Variants in TET3 observed in about 807,000 individuals in gnomAD.
TET3 encodes the protein methylcytosine dioxygenase TET3.
TET3 carries 19 observed loss-of-function variants against 141.4 expected under a neutral mutation model. The observed-to-expected ratio is 0.13, with a 90% CI of 0.09 to 0.20. TET3 has a LOEUF of 0.20. TET3 is among the 10% of genes least tolerant of loss of function. The pLI is 1.00. For synonymous variants in TET3, 1,043 were observed against 980.9 expected, an observed-to-expected ratio of 1.06 and a Z score of -1.18; for missense variants, 1,874 against 2,356.9, an observed-to-expected ratio of 0.80 and a Z score of 4.24.
At chr2:74,127,224 G>A in the TET3 span, among the ~76,000 whole-genome samples, 1 of 152,206 alleles carries the variant, frequency 6.6e-6, no homozygotes, top group East Asian at 1.9e-4. Flanking sequence ...CTGTTTCAAG[G>A]TTCCAGCAAT....
At chr2:74,029,985 A>T (rs749812684) in intron 3 of TET3, among the ~76,000 whole-genome samples, 1 of 152,256 alleles carries the variant, frequency 6.6e-6, no homozygotes, top group Non-Finnish European at 1.5e-5. Flanking sequence ...ATAGTGGTAC[A>T]GTATCAGTTC....
At chr2:74,065,555 GTT>G (rs67114907) in intron 4 of TET3, among the ~76,000 whole-genome samples, 8 of 125,620 alleles carry the variant, frequency 6.4e-5, no homozygotes, top group African/African-American at 1.4e-4. Flanking sequence ...TCTTTTTTTT[GTT>G]TTTTTTTTTT....
intron 4 of TET3, among the ~76,000 whole-genome samples, chr2:74,064,309 GT>G (rs1688759864): frequency 1.3e-5 from 2 of 152,134 alleles, no homozygotes; most frequent in African/African-American, 4.8e-5. Flanking sequence ...ATTAAATACT[GT>G]TTAAATTGTC....
At chr2:74,016,871 A>G (rs944275561) in intron 3 of TET3, among the ~76,000 whole-genome samples, 1 of 150,326 alleles carries the variant, frequency 6.7e-6, no homozygotes, top group African/African-American at 2.5e-5. Flanking sequence ...GTTTCAATGC[A>G]TGTATATAAT....
At chr2:74,126,769 C>T in the TET3 span, among the ~76,000 whole-genome samples, 1 of 152,222 alleles carries the variant, frequency 6.6e-6, no homozygotes, top group Middle Eastern at 3.4e-3. Flanking sequence ...TCCCAAAGTG[C>T]TGGGATTACA....
Position 74,105,481 on chromosome 2 carries a change from G to A in TET3, c.*3305G>A, listed in dbSNP as rs1336180393. 7.5e-6 allele frequency: 3 copies of A among 397,992 alleles called. No homozygotes were observed. Among genetic ancestry groups the A allele is most frequent in the South Asian group, 1.4e-4 (1 of 7,190 alleles). 24.7% of individuals were successfully genotyped at this position (397,992 alleles called of 1,614,324 possible). A position where few individuals can be genotyped will look rare whatever the true frequency, so the allele number is the denominator to read the frequency against. On this transcript the variant is annotated 3_prime_UTR_variant, in exon 12 of 12. Transcript: ENST00000409262. ...ATCAGAAATCTTGACTAAAGGTGTTGCATGGATTTGGGGGTCTTTCGGTTT... is the reference window on the plus strand; with the variant it reads ...ATCAGAAATCTTGACTAAAGGTGTTACATGGATTTGGGGGTCTTTCGGTTT...
chr2:74,047,866 C>T lies in TET3; in HGVS notation c.1949C>T (p.Ala650Val). ...GCTCATCCACCGGCCCCTCTGCCTG[C>T]CTCACAGGGCTCTGCTGTGCCCCTG... is the stretch of plus-strand genomic sequence containing the variant. ...VQAHPPAPLP[A>V]SQGSAVPLPP... is the part of the protein sequence containing the mutation. Residue 650 changes from alanine to valine, a missense_variant, in exon 4 of 12, where the codon GCC (alanine) becomes GTC (valine). Coordinates refer to ENST00000409262, the MANE Select transcript of TET3 (RefSeq NM_001287491.2). 6.2e-7 allele frequency: 1 copy of T among 1,612,854 alleles called. No homozygotes were observed. The highest frequency in any genetic ancestry group is 8.5e-7 in the Non-Finnish European group (1 of 1,179,358).
rs574655782 is a variant in TET3, at chr2:74,103,156, A to T, written c.*980A>T. ...GAATTTGTCTTAGTGGCAGTTTTTT[A>T]AAAAATGCCCCCAAAGTCTATGCTG... On this transcript the variant is annotated 3_prime_UTR_variant, in exon 12 of 12. Transcript: ENST00000409262. 9 of 152,282 alleles carry T rather than the reference A, an allele frequency of 5.9e-5. No homozygotes were observed. Among genetic ancestry groups the T allele is most frequent in the South Asian group, 4.1e-4 (2 of 4,826 alleles). 9.4% of individuals were successfully genotyped at this position (152,282 alleles called of 1,614,324 possible).
At chr2:74,109,391 C>A (rs1691647706), downstream of TET3, among the ~76,000 whole-genome samples, 1 of 152,156 alleles carries the variant, frequency 6.6e-6, no homozygotes, top group African/African-American at 2.4e-5. Flanking sequence ...AAATGGAATA[C>A]AATAATACAA....
At chr2:74,064,351 G>A (rs1391339134) in intron 4 of TET3, among the ~76,000 whole-genome samples, 1 of 152,152 alleles carries the variant, frequency 6.6e-6, no homozygotes, top group Non-Finnish European at 1.5e-5. Context: ...ATTCAGTATT[G>A]AAACAAAGTT....
At chr2:74,083,787 A>C (rs1260776809) in intron 6 of TET3, among the ~76,000 whole-genome samples, 1 of 152,040 alleles carries the variant, frequency 6.6e-6, no homozygotes, top group Non-Finnish European at 1.5e-5. Context: ...GCCATTTGGG[A>C]AACCAGAATG....
At chr2:74,127,170 G>A in the TET3 span, among the ~76,000 whole-genome samples, 2 of 152,210 alleles carry the variant, frequency 1.3e-5, no homozygotes, top group Non-Finnish European at 2.9e-5. Context: ...GGGATCAGAA[G>A]CTGGCAGAAG....
At chr2:74,003,208 TGGC>T (rs1684957524) in intron 3 of TET3, 42 bp downstream of exon 3, 1 of 1,547,676 alleles carries the variant, frequency 6.5e-7, no homozygotes, top group Non-Finnish European at 8.7e-7. Context: ...GTGTGTGTGG[TGGC>T]GGTGAAGTGT....
intron 3 of TET3, among the ~76,000 whole-genome samples, chr2:74,024,688 TC>T (rs1043043498): frequency 2.6e-5 from 4 of 152,078 alleles, no homozygotes; most frequent in African/African-American, 9.7e-5. Flanking sequence ...TTCCTGTTCC[TC>T]GTTGTAAGAT....
At chr2:74,016,537 C>A (rs1685736714) in intron 3 of TET3, among the ~76,000 whole-genome samples, 1 of 151,982 alleles carries the variant, frequency 6.6e-6, no homozygotes, top group Non-Finnish European at 1.5e-5. Context: ...GCCTGGCCAA[C>A]ATGGTGAAAC....
chr2:74,074,351 A>G (rs1478695937), intron 5 of TET3, among the ~76,000 whole-genome samples: 1 of 152,238 alleles, frequency 6.6e-6, no homozygotes, highest in Non-Finnish European at 1.5e-5. Context: ...TTATGTAGAA[A>G]GAGCTATGTT....
intron 2 of TET3, among the ~76,000 whole-genome samples, chr2:73,997,446 GA>G (rs1210083819): frequency 6.6e-6 from 1 of 152,164 alleles, no homozygotes; most frequent in African/African-American, 2.4e-5. Context: ...CTCTTACTGT[GA>G]GGGCTGGGTC....
intron 3 of TET3, among the ~76,000 whole-genome samples, chr2:74,010,453 G>A (rs963706796): frequency 6.6e-6 from 1 of 152,230 alleles, no homozygotes; most frequent in Non-Finnish European, 1.5e-5. Context: ...GCAGGACCAT[G>A]CTTCAACTTG....
chr2:73,994,715 T>C (rs1410606433), intron 2 of TET3, among the ~76,000 whole-genome samples: 1 of 144,620 alleles, frequency 6.9e-6, no homozygotes, highest in Non-Finnish European at 1.5e-5. Context: ...CTCGGCTCAC[T>C]CACCCTCTGC....
Sources: allele counts gnomAD v4.1 joint callset (sites outside exome capture counted in the v4.1 genomes callset), GRCh38; gene constraint gnomAD v4.1.1; transcripts MANE v1.5; gene names NCBI Gene and HGNC (gene_info 2026-07-23, HGNC 2026-07-21).